The following NRXN3 variants were observed in gnomAD, a reference collection of about 807,000 sequenced individuals.
NRXN3 encodes neurexin III.
In NRXN3, 32 loss-of-function variants were observed where a neutral mutation model predicts 137.6. The observed-to-expected ratio is 0.23, with a 90% CI of 0.18 to 0.31. The LOEUF (loss-of-function observed/expected upper bound fraction) is 0.31, where lower values mean the gene tolerates loss of function less well. Ranked by LOEUF, NRXN3 falls within the 10% of genes least tolerant of loss-of-function variation. The pLI is 1.00. For missense variants in NRXN3, 1,574 were observed against 2,062.5 expected, an observed-to-expected ratio of 0.76 and a Z score of 4.59; for synonymous variants, 798 against 784.5, an observed-to-expected ratio of 1.02 and a Z score of -0.29.
chr14:79,002,022 A>C (rs990628138), intron 15 of NRXN3, among the ~76,000 whole-genome samples: 1 of 152,038 alleles, frequency 6.6e-6, no homozygotes, highest in African/African-American at 2.4e-5. Flanking sequence ...TTGTGTATTC[A>C]CCCTGTTTCC....
intron 3 of NRXN3, among the ~76,000 whole-genome samples, chr14:78,287,086 C>G (rs1355609531): frequency 6.6e-6 from 1 of 152,140 alleles, no homozygotes; most frequent in Non-Finnish European, 1.5e-5. Context: ...GGATAGTTCT[C>G]CCAGGTGATT....
chr14:78,648,113 T>C (rs1478942981), intron 5 of NRXN3, among the ~76,000 whole-genome samples: 5 of 152,222 alleles, frequency 3.3e-5, no homozygotes, highest in South Asian at 2.1e-4. Flanking sequence ...AGGTATTTTA[T>C]TGTGGCTTAC....
chr14:78,641,963 T>C (rs1392814802), intron 4 of NRXN3, among the ~76,000 whole-genome samples: 1 of 152,246 alleles, frequency 6.6e-6, no homozygotes, highest in Non-Finnish European at 1.5e-5. Flanking sequence ...AGAAGTGTTT[T>C]TGCTTTAAAT....
intron 15 of NRXN3, among the ~76,000 whole-genome samples, chr14:79,163,636 A>G (rs1282825705): frequency 6.6e-6 from 1 of 151,824 alleles, no homozygotes; most frequent in African/African-American, 2.4e-5. Flanking sequence ...TTATTCCTCC[A>G]TATTATTTAA....
chr14:78,585,272 G>A (rs529074375), intron 4 of NRXN3, among the ~76,000 whole-genome samples: 3 of 152,144 alleles, frequency 2.0e-5, no homozygotes, highest in Admixed American at 1.3e-4. Flanking sequence ...GGCAGCCAGT[G>A]CAAAGGACCT....
chr14:79,119,894 T>C lies in NRXN3; in HGVS notation c.3262+131753T>C, dbSNP rs149108963. Among the ~76,000 whole-genome samples, 828 of 152,282 alleles carry C rather than the reference T, an allele frequency of 5.4e-3. 6 individuals are homozygous for C. Among genetic ancestry groups the C allele is most frequent in the African/African-American group, 0.019 (789 of 41,570 alleles). ...AGTAACAGCTAAACTAAAACATACA[T>C]GTTCATATATTTTAGCATTCCCCTA... On this transcript the variant is annotated intron_variant, in intron 15 of 20. Transcript: ENST00000335750.
intron 4 of NRXN3, among the ~76,000 whole-genome samples, chr14:78,400,274 A>T (rs982703364): frequency 6.6e-6 from 1 of 152,214 alleles, no homozygotes; most frequent in African/African-American, 2.4e-5. Flanking sequence ...CATTACTAAT[A>T]CAGCAGGCAA....
chr14:78,327,313 T>C (rs1381375660), intron 4 of NRXN3, among the ~76,000 whole-genome samples: 1 of 152,116 alleles, frequency 6.6e-6, no homozygotes, highest in East Asian at 1.9e-4. Flanking sequence ...GAAGGATCAG[T>C]AGAGCTTTGC....
chr14:78,379,336 T>G (rs1245865289), intron 4 of NRXN3, among the ~76,000 whole-genome samples: 1 of 152,184 alleles, frequency 6.6e-6, no homozygotes, highest in Non-Finnish European at 1.5e-5. Context: ...ACCAATGTCC[T>G]TCATGAATAT....
chr14:78,784,896 C>T (rs754580591), intron 8 of NRXN3, among the ~76,000 whole-genome samples: 19 of 152,018 alleles, frequency 1.2e-4, no homozygotes, highest in Non-Finnish European at 2.2e-4. Context: ...GGGCAGGGCA[C>T]GTTCCAGGAG....
intron 15 of NRXN3, among the ~76,000 whole-genome samples, chr14:79,184,203 T>A (rs1206652264): frequency 2.6e-5 from 4 of 152,170 alleles, no homozygotes; most frequent in African/African-American, 9.7e-5. Flanking sequence ...GCAGGCCAGA[T>A]GATATAATTA....
chr14:79,397,013 T>C (rs1466812225), intron 15 of NRXN3, among the ~76,000 whole-genome samples: 2 of 152,138 alleles, frequency 1.3e-5, no homozygotes, highest in Admixed American at 6.5e-5. Context: ...TACAATCTCT[T>C]TGGGGAGGGA....
intron 8 of NRXN3, among the ~76,000 whole-genome samples, chr14:78,790,827 C>T (rs2098803153): frequency 1.3e-5 from 2 of 152,162 alleles, no homozygotes; most frequent in Non-Finnish European, 2.9e-5. Context: ...GAATGAACGT[C>T]AGCTTGATAT....
At position 78,582,104 on chromosome 14, in the gene NRXN3, G is replaced by A. The variant is rs139236498; in HGVS notation, c.758-63016G>A. On this transcript the variant is annotated intron_variant, in intron 4 of 20. Transcript: ENST00000335750. ...AGTGCATCCATATCAGTGAGAGACAGTTCAGAGTGATTGTGGGTGAGCTCA... is the reference window on the plus strand; with the variant it reads ...AGTGCATCCATATCAGTGAGAGACAATTCAGAGTGATTGTGGGTGAGCTCA... 1.9e-3 allele frequency among the ~76,000 whole-genome samples: 293 copies of A among 152,332 alleles called. 9 individuals carry two copies. In the East Asian group the frequency reaches 0.05, roughly 26 times the overall value.
chr14:79,361,394 T>C (rs1384900867), intron 15 of NRXN3, among the ~76,000 whole-genome samples: 1 of 152,128 alleles, frequency 6.6e-6, no homozygotes, highest in Non-Finnish European at 1.5e-5. Context: ...GCTTTCTCCC[T>C]TCCTCTGCCC....
At chr14:79,403,767 A>ACAACATGTGTGGATTT (rs1247823949) in intron 15 of NRXN3, among the ~76,000 whole-genome samples, 1 of 152,154 alleles carries the variant, frequency 6.6e-6, no homozygotes, top group Non-Finnish European at 1.5e-5. Flanking sequence ...TGTTCCTGGT[A>ACAACATGTGTGGATTT]CAACATGTGT....
chr14:79,259,709 T>TATAC (rs2077310073), intron 15 of NRXN3, among the ~76,000 whole-genome samples: 1 of 139,746 alleles, frequency 7.2e-6, no homozygotes, highest in African/African-American at 2.7e-5. Context: ...TATAGTTTTA[T>TATAC]ACACACACAC....
intron 15 of NRXN3, among the ~76,000 whole-genome samples, chr14:79,401,985 C>G (rs562671501): frequency 6.6e-6 from 1 of 152,258 alleles, no homozygotes; most frequent in East Asian, 1.9e-4. Flanking sequence ...GGCATGATCA[C>G]AGCTCACTGA....
At chr14:78,685,937 C>T (rs2098122051) in intron 6 of NRXN3, among the ~76,000 whole-genome samples, 3 of 152,020 alleles carry the variant, frequency 2.0e-5, no homozygotes, top group South Asian at 2.1e-4. Context: ...GCGTGTGCCA[C>T]CGCACCCGGC....
Sources: allele counts gnomAD v4.1 joint callset (sites outside exome capture counted in the v4.1 genomes callset), GRCh38; gene constraint gnomAD v4.1.1; transcripts MANE v1.5; gene names NCBI Gene and HGNC (gene_info 2026-07-23, HGNC 2026-07-21).